SLC14A2: variants seen among roughly 807,000 people sequenced by gnomAD.
SLC14A2 encodes the protein solute carrier family 14 member 2, also known as urea transporter 2.
A neutral mutation model predicts 104.6 loss-of-function variants in SLC14A2; 91 were observed. That is an observed-to-expected ratio of 0.87 (90% CI 0.73 to 1.04). The LOEUF is 1.04. SLC14A2 is among the 50% of genes least tolerant of loss of function. The probability of loss-of-function intolerance (pLI) is 0.00; values close to 1 mark genes in which losing one functional copy is unlikely to be tolerated. For missense variants in SLC14A2, 1,189 were observed against 1,156.0 expected (o/e 1.03, Z -0.41); for synonymous variants, 476 against 466.4 (o/e 1.02, Z -0.27).
intron 1 of SLC14A2, among the ~76,000 whole-genome samples, chr18:45,285,392 C>A (rs1184956834): frequency 6.6e-6 from 1 of 152,142 alleles, no homozygotes; most frequent in Non-Finnish European, 1.5e-5. Flanking sequence ...GGGATTGTTC[C>A]ATCAGTCACT....
intron 1 of SLC14A2, among the ~76,000 whole-genome samples, chr18:45,616,013 C>T (rs999884052): frequency 3.9e-5 from 6 of 152,144 alleles, no homozygotes; most frequent in Non-Finnish European, 7.4e-5. Flanking sequence ...AATATTCGTG[C>T]ATGTGGAACT....
chr18:45,174,356 G>A, the SLC14A2 span, among the ~76,000 whole-genome samples: 1 of 151,902 alleles, frequency 6.6e-6, no homozygotes, highest in South Asian at 2.1e-4. Context: ...ATTCCTCCTC[G>A]ACAATTTCCC....
At chr18:45,239,976 T>C (rs1397712314) in intron 1 of SLC14A2, among the ~76,000 whole-genome samples, 1 of 152,172 alleles carries the variant, frequency 6.6e-6, no homozygotes, top group Middle Eastern at 3.2e-3. Context: ...GAATAATGTT[T>C]AATTGTGTAT....
intron 11 of SLC14A2, among the ~76,000 whole-genome samples, chr18:45,664,579 G>A (rs1171493071): frequency 1.3e-5 from 2 of 152,198 alleles, no homozygotes; most frequent in Non-Finnish European, 2.9e-5. Flanking sequence ...GGGCAGCATT[G>A]CCCAGAGTCA....
Position 45,677,366 on chromosome 18 carries a change from C to G in SLC14A2, c.2513-1609C>G, listed in dbSNP as rs187997173. ...GAGTCCCACTCAGGCCATCTGGCTC[C>G]CCTCTATTCGGGGGCCTTGGTAGTG... On this transcript the variant is annotated intron_variant, in intron 18 of 19. Transcript: ENST00000255226. Among the ~76,000 whole-genome samples, 9 of 152,274 alleles carry G rather than the reference C, an allele frequency of 5.9e-5. No individual in the cohort carries two copies. In the South Asian group the frequency reaches 1.9e-3, roughly 32 times the overall value.
chr18:45,468,048 A>C (rs1237233296), intron 1 of SLC14A2, among the ~76,000 whole-genome samples: 5 of 151,800 alleles, frequency 3.3e-5, no homozygotes, highest in Admixed American at 3.3e-4. Context: ...CACCACCCCC[A>C]CCTCCCAGCA....
chr18:45,646,642 C>A (rs1439240897), intron 10 of SLC14A2: 1 of 152,180 alleles, frequency 6.6e-6, no homozygotes, highest in Non-Finnish European at 1.5e-5. Context: ...TTATCGCTTT[C>A]TTTTCCCACC....
chr18:45,378,275 T>C (rs1414741730), intron 1 of SLC14A2, among the ~76,000 whole-genome samples: 1 of 152,170 alleles, frequency 6.6e-6, no homozygotes. Context: ...CTGAACTGAA[T>C]TGAATTACTG....
At chr18:45,433,589 A>G (rs2086551715) in intron 1 of SLC14A2, among the ~76,000 whole-genome samples, 1 of 152,250 alleles carries the variant, frequency 6.6e-6, no homozygotes, top group African/African-American at 2.4e-5. Context: ...AAAAAGATCT[A>G]GAAAACTGGA....
chr18:45,388,726 T>G (rs950693129), intron 1 of SLC14A2, among the ~76,000 whole-genome samples: 2 of 152,170 alleles, frequency 1.3e-5, no homozygotes, highest in African/African-American at 2.4e-5. Flanking sequence ...AAGGGCATAT[T>G]GGCACTTGCA....
At chr18:45,381,345 A>G (rs2085832594) in intron 1 of SLC14A2, among the ~76,000 whole-genome samples, 1 of 152,252 alleles carries the variant, frequency 6.6e-6, no homozygotes, top group Non-Finnish European at 1.5e-5. Flanking sequence ...GATTTGGAAA[A>G]CAAACATATC....
intron 1 of SLC14A2, among the ~76,000 whole-genome samples, chr18:45,241,288 T>C (rs1166817501): frequency 6.6e-6 from 1 of 152,186 alleles, no homozygotes; most frequent in Non-Finnish European, 1.5e-5. Context: ...GGTGACGTGC[T>C]CTGGCTGCTG....
chr18:45,446,895 G>T (rs1018139935), intron 1 of SLC14A2, among the ~76,000 whole-genome samples: 1 of 152,120 alleles, frequency 6.6e-6, no homozygotes, highest in Non-Finnish European at 1.5e-5. Context: ...GCATTTTCAT[G>T]AGCCCTCGGC....
At chr18:45,473,192 T>C (rs1313207258) in intron 1 of SLC14A2, among the ~76,000 whole-genome samples, 1 of 152,244 alleles carries the variant, frequency 6.6e-6, no homozygotes. Flanking sequence ...GTTGTAGATG[T>C]GTGGCATTAC....
At chr18:45,599,771 G>C (rs1461852549) in intron 2 of SLC14A2, among the ~76,000 whole-genome samples, 1 of 152,208 alleles carries the variant, frequency 6.6e-6, no homozygotes, top group Non-Finnish European at 1.5e-5. Flanking sequence ...TGGACTTACA[G>C]TTCCATGTGG....
At chr18:45,244,616 ACT>A (rs1211942100) in intron 1 of SLC14A2, among the ~76,000 whole-genome samples, 1 of 149,386 alleles carries the variant, frequency 6.7e-6, no homozygotes, top group Non-Finnish European at 1.5e-5. Context: ...ACAGGGCAAG[ACT>A]CTGTCTCAAA....
Position 45,229,707 on chromosome 18 carries a change from T to C in SLC14A2, c.-125+16516T>C, listed in dbSNP as rs144813931. On this transcript the variant is annotated intron_variant, in intron 1 of 20. Coordinates refer to the SLC14A2 transcript ENST00000586448. ...TTCCCCAAGCACAGAGGTGTTCCTATGACATAGTTCATGTTACTTGAGCCA... is the reference window on the plus strand; with the variant it reads ...TTCCCCAAGCACAGAGGTGTTCCTACGACATAGTTCATGTTACTTGAGCCA... Among the ~76,000 whole-genome samples, 230 of 152,316 alleles carry C rather than the reference T, an allele frequency of 1.5e-3. 1 individual carries two copies. The highest frequency in any genetic ancestry group is 5.4e-3 in the African/African-American group (224 of 41,566).
At chr18:45,548,492 G>A (rs2044007408) in intron 2 of SLC14A2, among the ~76,000 whole-genome samples, 1 of 152,170 alleles carries the variant, frequency 6.6e-6, no homozygotes, top group Admixed American at 6.5e-5. Context: ...TTACTTGAGT[G>A]CACGAGTTTG....
chr18:45,382,368 T>G (rs551243285), intron 1 of SLC14A2, among the ~76,000 whole-genome samples: 2 of 152,310 alleles, frequency 1.3e-5, no homozygotes, highest in African/African-American at 4.8e-5. Flanking sequence ...CAGAATCTAT[T>G]GAGCAGTATA....
Sources: allele counts gnomAD v4.1 joint callset (sites outside exome capture counted in the v4.1 genomes callset), GRCh38; gene constraint gnomAD v4.1.1; transcripts MANE v1.5; gene names NCBI Gene and HGNC (gene_info 2026-07-23, HGNC 2026-07-21).